ZNF407: variants seen among roughly 807,000 people sequenced by gnomAD.
ZNF407 encodes zinc finger protein 407.
A neutral mutation model predicts 131.2 loss-of-function variants in ZNF407; 17 were observed. The observed-to-expected ratio is 0.13, with a 90% CI of 0.09 to 0.19. The LOEUF (loss-of-function observed/expected upper bound fraction) is 0.19, where lower values mean the gene tolerates loss of function less well. Among genes scored for constraint, ZNF407 ranks in the 10% least tolerant of loss-of-function variants. The pLI, the probability that ZNF407 is intolerant of heterozygous loss-of-function variation, is 1.00. For missense variants in ZNF407, 2,681 were observed against 2,830.6 expected, an observed-to-expected ratio of 0.95 and a Z score of 1.20; for synonymous variants, 1,156 against 1,062.0, an observed-to-expected ratio of 1.09 and a Z score of -1.72.
chr18:74,717,071 G>A lies in ZNF407; in HGVS notation c.4803-64357G>A, dbSNP rs939580910. On this transcript the variant is annotated intron_variant, in intron 3 of 8. Transcript: ENST00000299687. ...ACAAAAAATATATATACGTATATGA[G>A]AGTGTGTATATGTGTATGTATGTGT... 3.9e-5 allele frequency among the ~76,000 whole-genome samples: 6 copies of A among 152,306 alleles called. No homozygotes were observed. The South Asian group carries it at 8.3e-4, about 21-fold the overall frequency.
chr18:74,879,268 A>C (rs9963355), intron 5 of ZNF407, among the ~76,000 whole-genome samples: 50,610 of 152,024 alleles, frequency 0.33, 8,648 homozygotes, highest in South Asian at 0.43. Flanking sequence ...TGAATCCAGA[A>C]GTCCTAAGAT....
intron 3 of ZNF407, among the ~76,000 whole-genome samples, chr18:74,681,617 T>C (rs1322044952): frequency 6.6e-6 from 1 of 152,230 alleles, no homozygotes; most frequent in Non-Finnish European, 1.5e-5. Context: ...TTGTACGATG[T>C]CTTTACATTG....
intron 7 of ZNF407, among the ~76,000 whole-genome samples, chr18:74,891,066 G>A (rs564202406): frequency 3.3e-5 from 5 of 152,268 alleles, no homozygotes; most frequent in South Asian, 4.1e-4. Context: ...AGACTCAGGC[G>A]AGGCTAAATC....
intron 8 of ZNF407, among the ~76,000 whole-genome samples, chr18:75,035,836 G>A (rs538512840): frequency 1.3e-5 from 2 of 152,212 alleles, no homozygotes; most frequent in Non-Finnish European, 2.9e-5. Context: ...CTTGTGATAG[G>A]GAGAGGTATC....
rs1031679504 is a variant in ZNF407 at position 74,720,462 on chromosome 18, C to T, written c.4803-60966C>T. On this transcript the variant is annotated intron_variant, in intron 3 of 8. Coordinates refer to ENST00000299687, the MANE Select transcript of ZNF407 (RefSeq NM_017757.3). ...TCCCATTCTGTAGGTTGTCTTTTCA[C>T]TCTGTTGTTTTTTTTCTTTTGCTGT... is the stretch of plus-strand genomic sequence containing the variant. Among the ~76,000 whole-genome samples the T allele has an allele frequency of 1.1e-4, 17 of 151,698 alleles. 1 individual carries two copies. The highest frequency in any genetic ancestry group is 4.1e-4 in the African/African-American group (17 of 41,268).
intron 5 of ZNF407, among the ~76,000 whole-genome samples, chr18:74,880,196 C>T (rs1006358785): frequency 8.5e-5 from 13 of 152,172 alleles, no homozygotes; most frequent in African/African-American, 2.7e-4. Context: ...CCAGCACTTA[C>T]TGCCTGAATA....
chr18:74,636,006 C>G (rs940931559), intron 2 of ZNF407, among the ~76,000 whole-genome samples: 1 of 152,132 alleles, frequency 6.6e-6, no homozygotes, highest in Admixed American at 6.5e-5. Flanking sequence ...TCAGTTGTTT[C>G]TGAGTCCTAA....
chr18:74,896,409 GA>G (rs1971454338), intron 7 of ZNF407, among the ~76,000 whole-genome samples: 1 of 152,150 alleles, frequency 6.6e-6, no homozygotes, highest in East Asian at 1.9e-4. Context: ...AGATTACTTT[GA>G]AAGCCTAAAA....
At chr18:75,006,344 T>A (rs1484791744) in intron 8 of ZNF407, among the ~76,000 whole-genome samples, 4 of 152,244 alleles carry the variant, frequency 2.6e-5, no homozygotes, top group African/African-American at 9.6e-5. Flanking sequence ...TTATTCTTTT[T>A]TCTAACTTAA....
At chr18:75,044,307 G>C (rs1291515027) in intron 8 of ZNF407, among the ~76,000 whole-genome samples, 1 of 151,660 alleles carries the variant, frequency 6.6e-6, no homozygotes, top group Non-Finnish European at 1.5e-5. Context: ...CTTCATGAAA[G>C]CGTTTTGTTG....
intron 7 of ZNF407, among the ~76,000 whole-genome samples, chr18:74,910,598 T>A (rs1277999960): frequency 6.6e-6 from 1 of 152,184 alleles, no homozygotes; most frequent in Non-Finnish European, 1.5e-5. Context: ...CCTCTTTAAC[T>A]TATCACGGAA....
intron 3 of ZNF407, among the ~76,000 whole-genome samples, chr18:74,760,906 C>G (rs490173): frequency 0.016 from 2,389 of 152,218 alleles, 73 homozygotes; most frequent in African/African-American, 0.053. Context: ...TCTTCATACT[C>G]TTTTCTATTT....
At chr18:74,919,676 T>C (rs1283467073) in intron 7 of ZNF407, among the ~76,000 whole-genome samples, 2 of 152,080 alleles carry the variant, frequency 1.3e-5, no homozygotes, top group African/African-American at 4.8e-5. Flanking sequence ...GTTCTAAAAA[T>C]GACAAAGACA....
At chr18:74,972,457 C>T (rs1436963399) in intron 8 of ZNF407, among the ~76,000 whole-genome samples, 1 of 152,208 alleles carries the variant, frequency 6.6e-6, no homozygotes, top group Non-Finnish European at 1.5e-5. Flanking sequence ...GCTATCACTG[C>T]CCAAGTGTTG....
At chr18:74,732,863 T>C (rs1333864089) in intron 3 of ZNF407, among the ~76,000 whole-genome samples, 1 of 152,196 alleles carries the variant, frequency 6.6e-6, no homozygotes, top group Non-Finnish European at 1.5e-5. Flanking sequence ...TTTTGAAATC[T>C]ATTCAATATT....
chr18:74,855,095 A>G (rs1970841463), intron 4 of ZNF407, among the ~76,000 whole-genome samples: 1 of 152,222 alleles, frequency 6.6e-6, no homozygotes, highest in Admixed American at 6.5e-5. Context: ...ATGACTTAAT[A>G]ACTCAACCTA....
intron 7 of ZNF407, among the ~76,000 whole-genome samples, chr18:74,914,203 C>T (rs1017293497): frequency 5.9e-5 from 9 of 152,154 alleles, no homozygotes; most frequent in Non-Finnish European, 1.2e-4. Context: ...GCTTCCTGCT[C>T]GTCGTGAGGA....
At chr18:74,840,569 T>C (rs918422785) in intron 4 of ZNF407, among the ~76,000 whole-genome samples, 14 of 152,160 alleles carry the variant, frequency 9.2e-5, no homozygotes, top group Admixed American at 3.9e-4. Context: ...AACATTGAGA[T>C]AGATCTTGCT....
intron 8 of ZNF407, chr18:74,920,994 C>T: frequency 2.8e-6 from 3 of 1,073,744 alleles, no homozygotes; most frequent in South Asian, 9.1e-5. Context: ...GTTGTTAAAT[C>T]TTCATATGTT....
Sources: gnomAD v4.1 joint callset for allele counts (sites outside exome capture counted in the v4.1 genomes callset) on GRCh38, gnomAD v4.1.1 for gene constraint, MANE v1.5 for transcripts, NCBI Gene and HGNC (gene_info 2026-07-23, HGNC 2026-07-21) for gene names.